The following CALN1 variants were observed in gnomAD, a reference collection of about 807,000 sequenced individuals.
The protein encoded by CALN1 is calneuron 1.
In CALN1, 17 loss-of-function variants were observed where a neutral mutation model predicts 30.6. The observed-to-expected ratio is 0.56, with a 90% confidence interval of 0.38 to 0.83. CALN1 has a LOEUF of 0.83. Among genes scored for constraint, CALN1 ranks in the 40% least tolerant of loss-of-function variants. CALN1 has a pLI of 0.00. For missense variants in CALN1, 291 were observed against 354.9 expected (o/e 0.82, Z 1.45); for synonymous variants, 156 against 131.4 (o/e 1.19, Z -1.28).
Position 72,124,758 on chromosome 7 carries a change from A to C in CALN1, c.245-18464T>G, listed in dbSNP as rs528540243. 3.3e-5 allele frequency among the ~76,000 whole-genome samples: 5 copies of C among 152,158 alleles called. No individual in the cohort carries two copies. In the South Asian group the frequency reaches 8.3e-4, roughly 25 times the overall value. ...AAGAAACAAAGAAAAAAAAACATGA[A>C]GATAAAGACAACCTGAAGAAAAAAA... On this transcript the variant is annotated intron_variant, in intron 3 of 6. Coordinates refer to ENST00000395275, the MANE Select transcript of CALN1 (RefSeq NM_031468.4).
intron 5 of CALN1, among the ~76,000 whole-genome samples, chr7:71,828,703 C>CAT (rs539808195): frequency 3.1e-3 from 432 of 139,156 alleles, no homozygotes; most frequent in Non-Finnish European, 5.3e-3. Flanking sequence ...TACATATATA[C>CAT]ATATATATAT....
At chr7:71,944,594 C>CAAAAAAAAAAAAAAAAAAA (rs10677940) in intron 5 of CALN1, among the ~76,000 whole-genome samples, 1 of 60,002 alleles carries the variant, frequency 1.7e-5, no homozygotes, top group Non-Finnish European at 2.9e-5. Flanking sequence ...AACTCCATCC[C>CAAAAAAAAAAAAAAAAAAA]AAAAAAAAAA....
intron 5 of CALN1, among the ~76,000 whole-genome samples, chr7:71,849,327 T>C (rs944566687): frequency 6.6e-6 from 1 of 152,174 alleles, no homozygotes; most frequent in Non-Finnish European, 1.5e-5. Flanking sequence ...GGACTCCCAG[T>C]CCATTCCATT....
At chr7:72,471,854 G>A in the CALN1 span, among the ~76,000 whole-genome samples, 6 of 152,182 alleles carry the variant, frequency 3.9e-5, no homozygotes, top group African/African-American at 1.2e-4. Context: ...AGGCTGGAGT[G>A]TAGTGGCATG....
intron 5 of CALN1, among the ~76,000 whole-genome samples, chr7:71,872,170 T>G (rs1791974625): frequency 1.3e-5 from 2 of 152,212 alleles, no homozygotes; most frequent in South Asian, 4.1e-4. Flanking sequence ...GTTGACTGTT[T>G]GCACATTTGA....
At chr7:72,311,164 C>A (rs1000278979) in intron 2 of CALN1, among the ~76,000 whole-genome samples, 1 of 152,024 alleles carries the variant, frequency 6.6e-6, no homozygotes, top group African/African-American at 2.4e-5. Flanking sequence ...AGGATGAAGA[C>A]CTCTATGATG....
chr7:72,213,608 A>G (rs1292088533), intron 3 of CALN1, among the ~76,000 whole-genome samples: 1 of 152,206 alleles, frequency 6.6e-6, no homozygotes, highest in African/African-American at 2.4e-5. Flanking sequence ...AAAAAAAGAA[A>G]AGTGTATGAG....
chr7:72,501,930 T>A, the CALN1 span, among the ~76,000 whole-genome samples: 5,490 of 54,372 alleles, frequency 0.1, 553 homozygotes, highest in African/African-American at 0.19. Context: ...AAAAAAAAAA[T>A]ATATATATAT....
intron 3 of CALN1, among the ~76,000 whole-genome samples, chr7:72,276,458 G>T (rs1914384): frequency 1.3e-5 from 2 of 152,150 alleles, no homozygotes; most frequent in South Asian, 4.1e-4. Flanking sequence ...GAGGTGATTA[G>T]GAGGGAGCAG....
chr7:72,283,801 C>T (rs1349377209), intron 2 of CALN1, among the ~76,000 whole-genome samples: 2 of 152,134 alleles, frequency 1.3e-5, no homozygotes, highest in Middle Eastern at 6.3e-3. Flanking sequence ...CCAGCGGGTT[C>T]CAGTGCTGAA....
At chr7:72,155,729 G>A (rs1013117751) in intron 3 of CALN1, among the ~76,000 whole-genome samples, 2 of 152,030 alleles carry the variant, frequency 1.3e-5, no homozygotes, top group African/African-American at 4.8e-5. Context: ...TAACTCTATG[G>A]CTTAAAACCA....
intron 5 of CALN1, among the ~76,000 whole-genome samples, chr7:71,848,088 A>C (rs1584362434): frequency 6.6e-6 from 1 of 152,332 alleles, no homozygotes; most frequent in East Asian, 1.9e-4. Context: ...TGTCTAGTCA[A>C]GGTAACACAT....
chr7:72,334,522 A>ACCCCCCCCCCCCCC (rs199877727), intron 2 of CALN1, among the ~76,000 whole-genome samples: 1 of 151,456 alleles, frequency 6.6e-6, no homozygotes, highest in African/African-American at 2.4e-5. Context: ...CTCAACCTGT[A>ACCCCCCCCCCCCCC]CCCCCCCTCC....
At chr7:72,308,779 G>T (rs1799839685) in intron 2 of CALN1, among the ~76,000 whole-genome samples, 1 of 152,098 alleles carries the variant, frequency 6.6e-6, no homozygotes, top group South Asian at 2.1e-4. Flanking sequence ...CTCAAGGTCG[G>T]TGGGGGCAGA....
chr7:71,890,956 A>G (rs1490701160), intron 5 of CALN1, among the ~76,000 whole-genome samples: 1 of 151,908 alleles, frequency 6.6e-6, no homozygotes, highest in African/African-American at 2.4e-5. Flanking sequence ...TATTTTGTTC[A>G]GCCTAGTTGC....
intron 2 of CALN1, among the ~76,000 whole-genome samples, chr7:72,335,660 AC>A (rs1237316027): frequency 1.3e-5 from 2 of 152,204 alleles, no homozygotes; most frequent in African/African-American, 4.8e-5. Flanking sequence ...AACTGCAGGC[AC>A]CGCTTCACCC....
At chr7:71,865,910 A>G (rs1213654765) in intron 5 of CALN1, among the ~76,000 whole-genome samples, 1 of 152,238 alleles carries the variant, frequency 6.6e-6, no homozygotes, top group Admixed American at 6.5e-5. Context: ...AGTCAAATAA[A>G]AATTACCAAT....
At chr7:72,226,343 T>C (rs1174094793) in intron 3 of CALN1, among the ~76,000 whole-genome samples, 2 of 149,828 alleles carry the variant, frequency 1.3e-5, no homozygotes, top group East Asian at 2.0e-4. Context: ...AACTGCAAAA[T>C]GAGGCTAACT....
chr7:72,090,773 C>T (rs911832709), intron 4 of CALN1, among the ~76,000 whole-genome samples: 1 of 152,072 alleles, frequency 6.6e-6, no homozygotes, highest in African/African-American at 2.4e-5. Context: ...TTACTTGCAA[C>T]CACATGGGTT....
Sources: allele counts gnomAD v4.1 joint callset (sites outside exome capture counted in the v4.1 genomes callset), GRCh38; gene constraint gnomAD v4.1.1; transcripts MANE v1.5; gene names NCBI Gene and HGNC (gene_info 2026-07-23, HGNC 2026-07-21).